Variants in ERMP1 observed in about 807,000 individuals in gnomAD.
ERMP1 encodes endoplasmic reticulum metallopeptidase 1, also known as Felix-ina.
In ERMP1, 86 loss-of-function variants were observed where a neutral mutation model predicts 92.0. The ratio of observed to expected loss-of-function variants is 0.93; its 90% CI spans 0.79 to 1.12. The LOEUF is 1.12. Among genes scored for constraint, ERMP1 ranks in the 50% most tolerant of loss-of-function variants. The pLI, the probability that ERMP1 is intolerant of heterozygous loss-of-function variation, is 0.00. For synonymous variants in ERMP1, 530 were observed against 412.8 expected (o/e 1.28, Z -3.44); for missense variants, 1,342 against 1,116.3 (o/e 1.20, Z -2.88).
At position 5,825,081 on chromosome 9, in the gene ERMP1, T is replaced by C; in HGVS notation, c.768+11A>G. On this transcript the variant is annotated intron_variant, in intron 3 of 14. Coordinates refer to ENST00000339450, the MANE Select transcript of ERMP1 (RefSeq NM_024896.3). ...TATTCAAGCCTGATATTTAAAACAG[T>C]AAAATCTCACTTGCAAGACATTTTC... is the stretch of plus-strand genomic sequence containing the variant. 2 of 1,613,044 alleles carry C rather than the reference T, an allele frequency of 1.2e-6. No homozygotes were observed. Among genetic ancestry groups the C allele is most frequent in the South Asian group, 1.1e-5 (1 of 91,008 alleles).
intron 6 of ERMP1, among the ~76,000 whole-genome samples, chr9:5,844,047 G>A (rs1330494694): frequency 1.3e-5 from 2 of 152,052 alleles, no homozygotes; most frequent in East Asian, 1.9e-4. Flanking sequence ...TGGCATTTCC[G>A]GGAGAAGAAT....
At chr9:5,827,652 G>A (rs530497223) in intron 2 of ERMP1, among the ~76,000 whole-genome samples, 15 of 151,378 alleles carry the variant, frequency 9.9e-5, no homozygotes, top group African/African-American at 3.6e-4. Context: ...ACGAGGTCAG[G>A]AGATTGAGAC....
intron 10 of ERMP1, among the ~76,000 whole-genome samples, chr9:5,802,118 G>T (rs1318184227): frequency 6.6e-6 from 1 of 152,174 alleles, no homozygotes; most frequent in Non-Finnish European, 1.5e-5. Flanking sequence ...TAAATATTGT[G>T]AATACTGAGA....
upstream of ERMP1, among the ~76,000 whole-genome samples, chr9:5,836,751 T>C (rs368768191): frequency 1.9e-4 from 29 of 152,296 alleles, 1 homozygote; most frequent in South Asian, 5.6e-3. Flanking sequence ...CTGGTGACAA[T>C]GGTCAGCTCC....
intron 5 of ERMP1, among the ~76,000 whole-genome samples, chr9:5,863,503 T>C (rs939578187): frequency 6.6e-6 from 1 of 152,070 alleles, no homozygotes; most frequent in Admixed American, 6.5e-5. Flanking sequence ...GTGGTGACAA[T>C]AATGAGGGTG....
intron 4 of ERMP1, among the ~76,000 whole-genome samples, chr9:5,816,847 T>C (rs901892250): frequency 1.3e-5 from 2 of 151,608 alleles, no homozygotes; most frequent in African/African-American, 4.8e-5. Context: ...GAATGTGCTA[T>C]AGCTAAAGTT....
At chr9:5,842,434 CAAAA>C (rs57411750) in intron 6 of ERMP1, among the ~76,000 whole-genome samples, 1 of 107,892 alleles carries the variant, frequency 9.3e-6, no homozygotes, top group Non-Finnish European at 1.9e-5. Flanking sequence ...GAGACTGTCT[CAAAA>C]AAAAAAAAAA....
chr9:5,855,409 G>C (rs565240318), intron 6 of ERMP1, among the ~76,000 whole-genome samples: 1 of 152,304 alleles, frequency 6.6e-6, no homozygotes, highest in South Asian at 2.1e-4. Context: ...GCATTCTCAG[G>C]CTTACTGGTG....
At chr9:5,800,081 G>T (rs1828610143) in intron 11 of ERMP1, among the ~76,000 whole-genome samples, 1 of 152,120 alleles carries the variant, frequency 6.6e-6, no homozygotes, top group Admixed American at 6.5e-5. Flanking sequence ...GGCTAGATTA[G>T]GTTAGATGTG....
rs574449265 is a variant in ERMP1, at chr9:5,824,636, C to T, written c.768+456G>A. 1.2e-4 allele frequency among the ~76,000 whole-genome samples: 19 copies of T among 152,160 alleles called. No individual in the cohort carries two copies. In the South Asian group the frequency reaches 2.1e-3, roughly 17 times the overall value. ...CAGGCTGGTCTCAAACTCCTGACCT[C>T]GTGATCTGCCTGCCTCGGCCTCCCA... On this transcript the variant is annotated intron_variant, in intron 3 of 14. Coordinates refer to ENST00000339450, the MANE Select transcript of ERMP1 (RefSeq NM_024896.3).
chr9:5,846,592 A>C (rs553525793), intron 6 of ERMP1, among the ~76,000 whole-genome samples: 1 of 152,306 alleles, frequency 6.6e-6, no homozygotes, highest in East Asian at 1.9e-4. Context: ...TGTATGTGTG[A>C]TTATCACATC....
At chr9:5,817,915 C>T (rs1176468307) in intron 4 of ERMP1, among the ~76,000 whole-genome samples, 3 of 152,034 alleles carry the variant, frequency 2.0e-5, no homozygotes, top group African/African-American at 7.2e-5. Flanking sequence ...ATGATGGAAG[C>T]CAAGTAACAT....
exon 6 of ERMP1, among the ~76,000 whole-genome samples, chr9:5,859,589 G>T (rs960441178): frequency 3.2e-4 from 49 of 152,190 alleles, no homozygotes; most frequent in Non-Finnish European, 3.1e-4. Flanking sequence ...GAATGAGAAA[G>T]ACCTGTGATC....
chr9:5,798,887 T>C lies in ERMP1; in HGVS notation c.2189A>G (p.Asn730Ser), dbSNP rs138024406. Residue 730 changes from asparagine (N) to serine (S), a missense_variant, in exon 12 of 15, where the codon AAT (asparagine) becomes AGT (serine). Asn to Ser is a conservative substitution (Grantham distance 46). Coordinates refer to ENST00000339450, the MANE Select transcript of ERMP1 (RefSeq NM_024896.3). ...CTCACAGTGAGCTCGGATACTATCATTGATCTCAGGAATGTGAGGGGTTAT... is the reference window on the plus strand; with the variant it reads ...CTCACAGTGAGCTCGGATACTATCACTGATCTCAGGAATGTGAGGGGTTAT... ...SHITPHIPEI[N>S]DSIRAHCEEN... 915 of 1,613,626 alleles carry C rather than the reference T, an allele frequency of 5.7e-4. 8 individuals are homozygous for C. The East Asian group carries it at 0.018, about 32-fold the overall frequency.
At chr9:5,834,959 T>TCATAGATA (rs113512744), upstream of ERMP1, among the ~76,000 whole-genome samples, 1 of 143,464 alleles carries the variant, frequency 7.0e-6, no homozygotes, top group Non-Finnish European at 1.5e-5. Context: ...GATAGACAGA[T>TCATAGATA]GATAGATGGA....
chr9:5,863,555 T>C (rs535495992), intron 5 of ERMP1, among the ~76,000 whole-genome samples: 1 of 152,156 alleles, frequency 6.6e-6, no homozygotes, highest in Non-Finnish European at 1.5e-5. Context: ...ATGACCTTGT[T>C]TGGGGCTGGC....
At chr9:5,859,043 T>C (rs990281265) in intron 6 of ERMP1, among the ~76,000 whole-genome samples, 3 of 152,218 alleles carry the variant, frequency 2.0e-5, no homozygotes, top group African/African-American at 4.8e-5. Flanking sequence ...ATGTAATGCA[T>C]GGTAGCTTAG....
intron 8 of ERMP1, among the ~76,000 whole-genome samples, chr9:5,807,273 T>A (rs571154871): frequency 6.6e-6 from 1 of 152,188 alleles, no homozygotes; most frequent in African/African-American, 2.4e-5. Flanking sequence ...AGTGGCCCCA[T>A]TGATTTTTAG....
intron 6 of ERMP1, among the ~76,000 whole-genome samples, chr9:5,848,136 G>T (rs1463273729): frequency 6.6e-6 from 1 of 152,146 alleles, no homozygotes; most frequent in Non-Finnish European, 1.5e-5. Context: ...TAATCCACAA[G>T]ACCTTTGAAC....
Sources: allele counts gnomAD v4.1 joint callset (sites outside exome capture counted in the v4.1 genomes callset), GRCh38; gene constraint gnomAD v4.1.1; transcripts MANE v1.5; gene names NCBI Gene and HGNC (gene_info 2026-07-23, HGNC 2026-07-21).